NRG1: variants seen among roughly 807,000 people sequenced by gnomAD.
NRG1 encodes neuregulin 1, also known as pro-neuregulin-1, membrane-bound isoform.
NRG1 carries 18 observed loss-of-function variants against 63.8 expected under a neutral mutation model. The observed-to-expected ratio is 0.28, with a 90% CI of 0.19 to 0.42. The LOEUF (loss-of-function observed/expected upper bound fraction) is 0.42. Ranked by LOEUF, NRG1 falls within the 10% of genes least tolerant of loss-of-function variation. The pLI is 1.00. For missense variants in NRG1, 762 were observed against 814.7 expected (o/e 0.94, Z 0.79); for synonymous variants, 302 against 301.3 (o/e 1.00, Z -0.02).
chr8:32,126,008 A>G (rs1284694402), intron 1 of NRG1, among the ~76,000 whole-genome samples: 1 of 151,846 alleles, frequency 6.6e-6, no homozygotes, highest in African/African-American at 2.4e-5. Context: ...ATATACTTCT[A>G]GTATGGCCCT....
intron 1 of NRG1, among the ~76,000 whole-genome samples, chr8:31,755,125 G>A (rs569621924): frequency 7.2e-5 from 11 of 152,126 alleles, no homozygotes; most frequent in Admixed American, 1.3e-4. Flanking sequence ...GCACTGCTCT[G>A]GGCATTCTGC....
intron 3 of NRG1, among the ~76,000 whole-genome samples, chr8:32,609,291 G>A (rs1845881114): frequency 6.6e-6 from 1 of 152,104 alleles, no homozygotes; most frequent in Non-Finnish European, 1.5e-5. Context: ...GCTATATTCT[G>A]TTCAATGCTT....
At chr8:32,748,806 A>T in intron 7 of NRG1, 3 of 438,904 alleles carry the variant, frequency 6.8e-6, no homozygotes, top group South Asian at 4.9e-5. Context: ...TGAGGCGTAG[A>T]ATTGTCCTAT....
chr8:32,451,881 A>G (rs1243396952), intron 1 of NRG1, among the ~76,000 whole-genome samples: 1 of 152,132 alleles, frequency 6.6e-6, no homozygotes, highest in African/African-American at 2.4e-5. Flanking sequence ...GCTAGAGTGC[A>G]GTGGTATGAT....
intron 1 of NRG1, among the ~76,000 whole-genome samples, chr8:32,348,254 T>G (rs893511745): frequency 2.6e-5 from 4 of 152,186 alleles, no homozygotes; most frequent in African/African-American, 4.8e-5. Context: ...TTTTTTGTTT[T>G]GTTTTGTTTT....
chr8:32,676,161 T>A (rs975049409), intron 5 of NRG1, among the ~76,000 whole-genome samples: 7 of 152,202 alleles, frequency 4.6e-5, no homozygotes, highest in Admixed American at 2.0e-4. Flanking sequence ...GATGTTTTAG[T>A]GGCCACCTAA....
intron 1 of NRG1, among the ~76,000 whole-genome samples, chr8:31,756,347 G>A (rs1264317657): frequency 1.3e-5 from 2 of 152,102 alleles, no homozygotes; most frequent in African/African-American, 4.8e-5. Flanking sequence ...CAGGAAGCAG[G>A]TCTGTTAAGG....
intron 1 of NRG1, chr8:32,063,385 G>C (rs1824200834): frequency 6.6e-6 from 1 of 152,070 alleles, no homozygotes. Context: ...ACCAATGCTT[G>C]GTGGAAAGAT....
intron 5 of NRG1, among the ~76,000 whole-genome samples, chr8:32,670,558 G>A (rs1280050440): frequency 6.6e-6 from 1 of 152,084 alleles, no homozygotes; most frequent in South Asian, 2.1e-4. Context: ...GGATCTCTGG[G>A]AACAGGGAAA....
At chr8:31,972,683 C>T (rs2129629218) in intron 1 of NRG1, among the ~76,000 whole-genome samples, 1 of 152,282 alleles carries the variant, frequency 6.6e-6, no homozygotes, top group South Asian at 2.1e-4. Flanking sequence ...GCAGGTCTCT[C>T]ATCGCCCTTC....
At chr8:32,199,847 T>G (rs1478372266) in intron 1 of NRG1, among the ~76,000 whole-genome samples, 1 of 152,190 alleles carries the variant, frequency 6.6e-6, no homozygotes, top group Non-Finnish European at 1.5e-5. Context: ...TGACACGATC[T>G]TAGTTCACTG....
intron 1 of NRG1, among the ~76,000 whole-genome samples, chr8:32,230,858 A>C (rs1280419259): frequency 6.6e-6 from 1 of 152,100 alleles, no homozygotes; most frequent in African/African-American, 2.4e-5. Flanking sequence ...GGCATTTATC[A>C]TGTCTTATAT....
At chr8:32,433,663 T>C (rs1019580563) in intron 1 of NRG1, among the ~76,000 whole-genome samples, 7 of 152,220 alleles carry the variant, frequency 4.6e-5, no homozygotes, top group African/African-American at 1.7e-4. Context: ...GGGTATTGTT[T>C]CGGTGCCCGG....
In NRG1 at chr8:32,411,016, C is replaced by T. The variant is rs143562163; in HGVS notation, c.38-184812C>T. Among the ~76,000 whole-genome samples, 757 of 152,082 alleles carry T rather than the reference C, an allele frequency of 5.0e-3. 5 individuals carry two copies. Among genetic ancestry groups the T allele is most frequent in the Non-Finnish European group, 7.4e-3 (502 of 68,002 alleles). On this transcript the variant is annotated intron_variant, in intron 1 of 10. Coordinates refer to the NRG1 transcript ENST00000519301. The stretch of plus-strand genomic sequence containing the variant: ...TCAGCCTCCCAAGCAGCTAGGACTA[C>T]AGGCACGCACCACCATGCCCAGCTA...
At chr8:32,330,315 A>T (rs948227688) in intron 1 of NRG1, among the ~76,000 whole-genome samples, 1 of 152,184 alleles carries the variant, frequency 6.6e-6, no homozygotes, top group African/African-American at 2.4e-5. Context: ...ACTTTGAATG[A>T]ATGGCTTAAT....
chr8:32,316,978 G>C (rs1857475005), intron 1 of NRG1, among the ~76,000 whole-genome samples: 1 of 152,196 alleles, frequency 6.6e-6, no homozygotes, highest in Non-Finnish European at 1.5e-5. Flanking sequence ...TCAATGAATA[G>C]AGTGGTAAGG....
chr8:32,444,431 T>G (rs1819982212), intron 1 of NRG1, among the ~76,000 whole-genome samples: 1 of 152,270 alleles, frequency 6.6e-6, no homozygotes, highest in African/African-American at 2.4e-5. Flanking sequence ...TGAGCCACCA[T>G]GTCCAGCCCA....
intron 1 of NRG1, among the ~76,000 whole-genome samples, chr8:31,923,553 G>C (rs1834087560): frequency 6.6e-6 from 1 of 152,110 alleles, no homozygotes; most frequent in Non-Finnish European, 1.5e-5. Context: ...ACGTATTTGG[G>C]AGAATTCACC....
chr8:32,525,862 G>A (rs892547707), intron 1 of NRG1, among the ~76,000 whole-genome samples: 1 of 152,012 alleles, frequency 6.6e-6, no homozygotes, highest in African/African-American at 2.4e-5. Flanking sequence ...TTGTGACTTT[G>A]ACAAGTCAGT....
Sources: gnomAD v4.1 joint callset for allele counts (sites outside exome capture counted in the v4.1 genomes callset) on GRCh38, gnomAD v4.1.1 for gene constraint, MANE v1.5 for transcripts, NCBI Gene and HGNC (gene_info 2026-07-23, HGNC 2026-07-21) for gene names.